The following OR14A2 variants were observed in gnomAD, a reference collection of about 807,000 sequenced individuals.
OR14A2 encodes the protein olfactory receptor 14A2.
For synonymous variants in OR14A2, 114 were observed against 58.6 expected, an observed-to-expected ratio of 1.95 and a Z score of -4.32; for missense variants, 237 against 152.9, an observed-to-expected ratio of 1.55 and a Z score of -2.90.
the OR14A2 span, among the ~76,000 whole-genome samples, chr1:247,741,629 G>GA: frequency 6.6e-6 from 1 of 152,168 alleles, no homozygotes; most frequent in African/African-American, 2.4e-5. Flanking sequence ...TATACATATA[G>GA]ATACAATCAA....
chr1:247,733,008 T>G, the OR14A2 span, among the ~76,000 whole-genome samples: 1 of 152,188 alleles, frequency 6.6e-6, no homozygotes, highest in Admixed American at 6.5e-5. Context: ...TGGCTTTTTA[T>G]TTGAAAGCCT....
chr1:247,723,055 T>C (rs1480159329), downstream of OR14A2: 2 of 631,632 alleles, frequency 3.2e-6, no homozygotes, highest in South Asian at 1.9e-5. Context: ...GGAAAGTTTC[T>C]TGTGATCTGT....
the OR14A2 span, among the ~76,000 whole-genome samples, chr1:247,736,681 AACAC>A: frequency 1.1e-4 from 17 of 152,222 alleles, no homozygotes; most frequent in Non-Finnish European, 2.4e-4. Flanking sequence ...CTGTCTCTAA[AACAC>A]ACAGGCTAAT....
chr1:247,746,410 G>T, the OR14A2 span: 1 of 152,202 alleles, frequency 6.6e-6, no homozygotes, highest in Non-Finnish European at 1.5e-5. Flanking sequence ...AAAAATGAAG[G>T]TGTGAAATCG....
upstream of OR14A2, among the ~76,000 whole-genome samples, chr1:247,726,647 AG>A (rs1660372117): frequency 6.8e-6 from 1 of 147,162 alleles, no homozygotes; most frequent in Non-Finnish European, 1.5e-5. Flanking sequence ...GTTTTCTTCT[AG>A]GGTTTTTATG....
At chr1:247,733,277 A>T in the OR14A2 span, among the ~76,000 whole-genome samples, 1 of 152,216 alleles carries the variant, frequency 6.6e-6, no homozygotes, top group African/African-American at 2.4e-5. Flanking sequence ...GAATAGATAC[A>T]CTTACCTCAT....
At chr1:247,746,998 A>G in the OR14A2 span, 1 of 152,362 alleles carries the variant, frequency 6.6e-6, no homozygotes, top group African/African-American at 2.4e-5. Context: ...TTACATCAAA[A>G]TTATTTGTAA....
At chr1:247,744,503 C>T in the OR14A2 span, among the ~76,000 whole-genome samples, 5 of 152,018 alleles carry the variant, frequency 3.3e-5, no homozygotes, top group Non-Finnish European at 5.9e-5. The surrounding 1 kb of genome is among the most constrained non-coding windows in gnomAD (Gnocchi z 4.3). Flanking sequence ...TGGTTAGGGT[C>T]GAATTCTCTG....
At chr1:247,734,182 T>A in the OR14A2 span, among the ~76,000 whole-genome samples, 3 of 152,104 alleles carry the variant, frequency 2.0e-5, no homozygotes, top group African/African-American at 7.2e-5. Flanking sequence ...CAATCTAAAC[T>A]TACTGATGCC....
the OR14A2 span, among the ~76,000 whole-genome samples, chr1:247,743,912 C>T: frequency 6.6e-6 from 1 of 152,002 alleles, no homozygotes; most frequent in South Asian, 2.1e-4. Context: ...ATATATTCTG[C>T]TATATTATGT....
chr1:247,747,432 G>T, the OR14A2 span, among the ~76,000 whole-genome samples: 1 of 149,092 alleles, frequency 6.7e-6, no homozygotes, highest in Admixed American at 6.7e-5. Context: ...CGTGACCTCA[G>T]CTCACTGCAA....
chr1:247,723,030 C>T, downstream of OR14A2: 2 of 617,680 alleles, frequency 3.2e-6, no homozygotes, highest in Non-Finnish European at 5.9e-6. Context: ...CAGGTCTTTC[C>T]AAAGTTACAA....
chr1:247,723,555 G>A, exon 1 of OR14A2: 1 of 718,264 alleles, frequency 1.4e-6, no homozygotes. Context: ...AGAAAGGCAT[G>A]GAAAATGTGC....
the OR14A2 span, among the ~76,000 whole-genome samples, chr1:247,736,433 C>A: frequency 6.6e-6 from 1 of 151,904 alleles, no homozygotes; most frequent in Non-Finnish European, 1.5e-5. Flanking sequence ...TTCCCTGGAC[C>A]AAATAAGTAT....
At chr1:247,739,174 G>A in the OR14A2 span, 1 of 780,742 alleles carries the variant, frequency 1.3e-6, no homozygotes, top group African/African-American at 1.7e-5. Flanking sequence ...AAGCTCACTT[G>A]TTCTAAAGAA....
chr1:247,729,610 C>A, the OR14A2 span, among the ~76,000 whole-genome samples: 1 of 151,928 alleles, frequency 6.6e-6, no homozygotes, highest in Non-Finnish European at 1.5e-5. Flanking sequence ...GTTTTTCATT[C>A]GAAGCATAGT....
chr1:247,739,506 G>A, the OR14A2 span: 10 of 780,642 alleles, frequency 1.3e-5, no homozygotes, highest in East Asian at 9.7e-5. Flanking sequence ...CATTAAATCC[G>A]CTCTGAGTAA....
the OR14A2 span, among the ~76,000 whole-genome samples, chr1:247,743,992 G>T: frequency 6.6e-6 from 1 of 151,884 alleles, no homozygotes; most frequent in East Asian, 1.9e-4. Context: ...TTTGCACCCG[G>T]GGTAAAGTAG....
At chr1:247,727,483 A>G (rs1660403556), upstream of OR14A2, among the ~76,000 whole-genome samples, 1 of 152,098 alleles carries the variant, frequency 6.6e-6, no homozygotes, top group Non-Finnish European at 1.5e-5. Context: ...AAGATCCAAA[A>G]TTGACACCCT....
Sources: allele counts gnomAD v4.1 joint callset (sites outside exome capture counted in the v4.1 genomes callset), GRCh38; gene constraint gnomAD v4.1.1; non-coding constraint Gnocchi (gnomAD v3.1); transcripts MANE v1.5; gene names NCBI Gene and HGNC (gene_info 2026-07-23, HGNC 2026-07-21).